The following AATK variants were observed in gnomAD, a reference collection of about 807,000 sequenced individuals.
The protein encoded by AATK is lemur tail kinase 1.
AATK carries 91 observed loss-of-function variants against 114.3 expected under a neutral mutation model. The ratio of observed to expected loss-of-function variants is 0.80; its 90% CI spans 0.67 to 0.95. The LOEUF is 0.95. Among genes scored for constraint, AATK ranks in the 40% least tolerant of loss-of-function variants. AATK has a pLI of 0.00. For missense variants in AATK, 2,176 were observed against 1,965.2 expected, an observed-to-expected ratio of 1.11 and a Z score of -2.03; for synonymous variants, 1,075 against 916.5, an observed-to-expected ratio of 1.17 and a Z score of -3.12.
chr17:81,136,281 G>A (rs1445435831), intron 1 of AATK: 3 of 152,422 alleles, frequency 2.0e-5, no homozygotes, highest in African/African-American at 4.8e-5. Context: ...GTGGCCTTTT[G>A]GGGCCAGGAT....
In AATK at chr17:81,156,295, A is replaced by G. The variant is rs143377719; in HGVS notation, c.55+9643T>C. 3.6e-3 allele frequency among the ~76,000 whole-genome samples: 522 copies of G among 145,030 alleles called. 7 individuals carry two copies. The highest frequency in any genetic ancestry group is 0.014 in the African/African-American group (493 of 36,484). ...ATGTTACTATGTTACAATGTATGTT[A>G]CTATGGCCTGTGTTATTGTGTGAAG... On this transcript the variant is annotated intron_variant, in intron 1 of 13. Coordinates refer to ENST00000326724, the MANE Select transcript of AATK (RefSeq NM_001080395.3).
rs548674431 is a variant in AATK at position 81,124,218 on chromosome 17, C to T, written c.962+509G>A. ...GGTGAGGCAGGGAGGGGCGCCCACC[C>T]CGGGGCGGACCACTCCCCTGGCGGC... On this transcript the variant is annotated intron_variant, in intron 9 of 13. Coordinates refer to ENST00000326724, the MANE Select transcript of AATK (RefSeq NM_001080395.3). 8.5e-5 allele frequency among the ~76,000 whole-genome samples: 13 copies of T among 152,218 alleles called. No individual in the cohort carries two copies. In the South Asian group the frequency reaches 2.7e-3, roughly 32 times the overall value.
At chr17:81,127,516 C>A in intron 6 of AATK, 67 bp downstream of exon 6, 1 of 1,481,880 alleles carries the variant, frequency 6.7e-7, no homozygotes, top group Non-Finnish European at 9.2e-7. Context: ...TGGCACCAGA[C>A]ACTGGCAGGG....
intron 3 of AATK, among the ~76,000 whole-genome samples, chr17:81,130,141 C>T (rs1393841355): frequency 2.6e-5 from 4 of 152,244 alleles, no homozygotes; most frequent in African/African-American, 4.8e-5. Context: ...TGCATGGCAC[C>T]GCAGTAACAG....
At chr17:81,128,671 A>T in intron 3 of AATK, 122 bp from the exon 4 acceptor site, 1 of 1,493,264 alleles carries the variant, frequency 6.7e-7, no homozygotes, top group Non-Finnish European at 9.0e-7. Flanking sequence ...AGTCCCTAGC[A>T]CCAGCTGGCA....
At chr17:81,140,695 T>TAG (rs2061112329) in intron 1 of AATK, among the ~76,000 whole-genome samples, 1 of 38,706 alleles carries the variant, frequency 2.6e-5, no homozygotes, top group African/African-American at 1.1e-4. Context: ...GTGGGGCCGT[T>TAG]GAGCTGTGGG....
In AATK at chr17:81,140,795, G is replaced by A. The variant is rs1175848021; in HGVS notation, c.56-6294C>T. Among the ~76,000 whole-genome samples the A allele has an allele frequency of 3.9e-5, 5 of 126,920 alleles. No homozygotes were observed. In the East Asian group the frequency reaches 6.6e-4, roughly 17 times the overall value. 83.3% of individuals were successfully genotyped at this position (126,920 alleles called of 152,430 possible). ...TGTGGGGCGGTGAGACCGTGGGGCC[G>A]TGAGACCGTGGGGCTGTGAGCCGTG... On this transcript the variant is annotated intron_variant, in intron 1 of 13. Coordinates refer to ENST00000326724, the MANE Select transcript of AATK (RefSeq NM_001080395.3).
chr17:81,125,378 A>G (rs1449911789), intron 7 of AATK: 2 of 582,496 alleles, frequency 3.4e-6, no homozygotes, highest in Non-Finnish European at 6.9e-6. Flanking sequence ...CTACACTATC[A>G]CTCTCGGCTC....
At chr17:81,149,454 C>T (rs1222853341) in intron 1 of AATK, among the ~76,000 whole-genome samples, 1 of 151,946 alleles carries the variant, frequency 6.6e-6, no homozygotes, top group Non-Finnish European at 1.5e-5. Flanking sequence ...GAAACCCAAC[C>T]TCCAATCCCT....
At chr17:81,154,060 G>C (rs1270751691) in intron 1 of AATK, among the ~76,000 whole-genome samples, 1 of 150,662 alleles carries the variant, frequency 6.6e-6, no homozygotes, top group Non-Finnish European at 1.5e-5. Context: ...TGGGCAACAA[G>C]AGTGAAACTC....
chr17:81,160,676 C>T lies in AATK; in HGVS notation c.55+5262G>A, dbSNP rs188445867. Among the ~76,000 whole-genome samples the T allele has an allele frequency of 1.2e-3, 189 of 152,346 alleles. 1 individual carries two copies. The highest frequency in any genetic ancestry group is 4.4e-3 in the African/African-American group (182 of 41,576). ...TGCCACCAGGGACAGGACCGCAGGCCGAGGCCCCACGGCAGGTGCTTTGCA... is the reference window on the plus strand; with the variant it reads ...TGCCACCAGGGACAGGACCGCAGGCTGAGGCCCCACGGCAGGTGCTTTGCA... On this transcript the variant is annotated intron_variant, in intron 1 of 13. Transcript: ENST00000326724.
At chr17:81,140,209 G>A (rs2061101751) in intron 1 of AATK, among the ~76,000 whole-genome samples, 1 of 152,148 alleles carries the variant, frequency 6.6e-6, no homozygotes, top group Admixed American at 6.5e-5. Context: ...TACTGTTCCT[G>A]CTGCGTCTCC....
intron 1 of AATK, among the ~76,000 whole-genome samples, chr17:81,160,481 CG>C (rs1003134653): frequency 5.3e-5 from 8 of 152,194 alleles, no homozygotes; most frequent in South Asian, 2.1e-4. Context: ...GCTTCCTCTG[CG>C]GGGGGGCGGG....
intron 7 of AATK, chr17:81,125,254 G>A (rs760160077): frequency 4.5e-5 from 33 of 732,350 alleles, no homozygotes; most frequent in Middle Eastern, 2.4e-4. Context: ...GACTGTGTGC[G>A]TGGGCCTCAA....
At position 81,138,137 on chromosome 17, in the gene AATK, GCA is replaced by G. The variant is rs2061047642; in HGVS notation, c.56-3638_56-3637del. Among the ~76,000 whole-genome samples the G allele has an allele frequency of 2.1e-5, 3 of 140,922 alleles. No individual in the cohort carries two copies. The South Asian group carries it at 6.9e-4, about 32-fold the overall frequency. 92.5% of individuals were successfully genotyped at this position (140,922 alleles called of 152,430 possible). On this transcript the variant is annotated intron_variant, in intron 1 of 13. Coordinates refer to ENST00000326724, the MANE Select transcript of AATK (RefSeq NM_001080395.3). ...ACACAGACATACCCCACACACACAT[GCA>G]CACATACGCGCACGCCCACATGCAC...
intron 1 of AATK, among the ~76,000 whole-genome samples, chr17:81,148,749 C>T (rs775976668): frequency 3.3e-5 from 5 of 152,202 alleles, no homozygotes; most frequent in Non-Finnish European, 5.9e-5. Context: ...CATGCACACA[C>T]ACAAATGCAC....
Position 81,165,466 on chromosome 17 carries a change from C to G in AATK, c.55+472G>C, listed in dbSNP as rs1051185799. On this transcript the variant is annotated intron_variant, in intron 1 of 13. Transcript: ENST00000326724. ...AATGTGGACTGGCCCCTGCTCCCCC[C>G]ACATCCCCCGCCGGCTGCTGGTGGC... 39 of 400,762 alleles carry G rather than the reference C, an allele frequency of 9.7e-5. 1 individual carries two copies. The Middle Eastern group carries it at 2.4e-3, about 25-fold the overall frequency. 24.8% of individuals were successfully genotyped at this position (400,762 alleles called of 1,614,324 possible).
intron 1 of AATK, among the ~76,000 whole-genome samples, chr17:81,140,707 C>T (rs1387008958): frequency 3.7e-5 from 3 of 80,066 alleles, no homozygotes; most frequent in East Asian, 2.7e-4. Flanking sequence ...AGCTGTGGGG[C>T]GGTGAGACCG....
At chr17:81,140,747 C>T (rs1333981975) in intron 1 of AATK, among the ~76,000 whole-genome samples, 1 of 62,940 alleles carries the variant, frequency 1.6e-5, no homozygotes, top group Admixed American at 1.4e-4. Context: ...GCCGGGAGAC[C>T]GTGGGGCCGT....
Sources: gnomAD v4.1 joint callset for allele counts (sites outside exome capture counted in the v4.1 genomes callset) on GRCh38, gnomAD v4.1.1 for gene constraint, MANE v1.5 for transcripts, NCBI Gene and HGNC (gene_info 2026-07-23, HGNC 2026-07-21) for gene names.